NUFIP2: variants seen among roughly 807,000 people sequenced by gnomAD.
NUFIP2 encodes the protein nuclear FMR1 interacting protein 2.
In NUFIP2, 6 loss-of-function variants were observed where a neutral mutation model predicts 56.9. The observed-to-expected ratio is 0.11, with a 90% CI of 0.06 to 0.21. The LOEUF (loss-of-function observed/expected upper bound fraction) is 0.21, where lower values mean the gene tolerates loss of function less well. Ranked by LOEUF, NUFIP2 falls within the 10% of genes least tolerant of loss-of-function variation. The pLI, the probability that NUFIP2 is intolerant of heterozygous loss-of-function variation, is 1.00. For missense variants in NUFIP2, 828 were observed against 826.8 expected, an observed-to-expected ratio of 1.00 and a Z score of -0.02; for synonymous variants, 321 against 298.2, an observed-to-expected ratio of 1.08 and a Z score of -0.79.
chr17:29,283,631 CCT>C (rs148626292), intron 2 of NUFIP2, among the ~76,000 whole-genome samples: 1,798 of 152,252 alleles, frequency 0.012, 35 homozygotes, highest in African/African-American at 0.041. Context: ...AACCAGATAC[CCT>C]CTCAGGCTCA....
At chr17:29,272,235 G>A (rs1049164527) in intron 2 of NUFIP2, among the ~76,000 whole-genome samples, 53 of 150,380 alleles carry the variant, frequency 3.5e-4, no homozygotes, top group Admixed American at 2.1e-3. Flanking sequence ...AATATGAAAT[G>A]TGTTCTTTTT....
At chr17:29,276,538 A>G (rs2069109624) in intron 2 of NUFIP2, among the ~76,000 whole-genome samples, 1 of 152,088 alleles carries the variant, frequency 6.6e-6, no homozygotes, top group Admixed American at 6.5e-5. Flanking sequence ...GAGTTTCACC[A>G]TGTTGGCCAG....
chr17:29,286,348 G>A lies in NUFIP2; in HGVS notation c.1646C>T (p.Ala549Val). ...EYPATLVSQGAEIIPSGTEHP... is the reference protein window; with the variant it reads ...EYPATLVSQGVEIIPSGTEHP... Reference sequence around the variant, plus strand: ...CTCAGTTCCTGAGGGAATTATTTCAGCACCCTGTGAAACCAAAGTAGCAGG... The same window carrying A: ...CTCAGTTCCTGAGGGAATTATTTCAACACCCTGTGAAACCAAAGTAGCAGG... The change falls in exon 2 of 4, where the codon GCT becomes GTT. Residue 549 changes from alanine to valine, a missense_variant. This residue lies in a region of NUFIP2 where 404 missense variants were observed against 380.3 expected (regional missense o/e 1.06). Transcript: ENST00000225388. The A allele has an allele frequency of 6.2e-7, 1 of 1,614,156 alleles. No individual in the cohort carries two copies. Among genetic ancestry groups the A allele is most frequent in the Non-Finnish European group, 8.5e-7 (1 of 1,180,004 alleles).
intron 2 of NUFIP2, among the ~76,000 whole-genome samples, chr17:29,272,240 C>CTTTT (rs750900881): frequency 1.5e-5 from 2 of 133,144 alleles, no homozygotes; most frequent in African/African-American, 5.4e-5. Context: ...GAAATGTGTT[C>CTTTT]TTTTTTTTTT....
Position 29,261,592 on chromosome 17 carries a change from T to C in NUFIP2, c.*2947A>G, listed in dbSNP as rs1400547970. On this transcript the variant is annotated 3_prime_UTR_variant, in exon 4 of 4. Transcript: ENST00000225388. ...CTAAATTAATCACAGCTGAAGTTTG[T>C]TTAGAAGCTTACACAAAATAATCAG... is the stretch of plus-strand genomic sequence containing the variant. 6.6e-6 allele frequency: 1 copy of C among 152,532 alleles called. No homozygotes were observed. The allele number at this position is 152,532 out of a possible 1,614,324, so 9.4% of individuals were successfully genotyped here.
chr17:29,280,092 AC>A (rs1378007141), intron 2 of NUFIP2, among the ~76,000 whole-genome samples: 1 of 152,204 alleles, frequency 6.6e-6, no homozygotes, highest in African/African-American at 2.4e-5. Flanking sequence ...TGCTGGGATT[AC>A]AAGTGTGAGC....
At chr17:29,291,775 C>T (rs372951250) in intron 1 of NUFIP2, among the ~76,000 whole-genome samples, 2 of 152,190 alleles carry the variant, frequency 1.3e-5, no homozygotes, top group Non-Finnish European at 2.9e-5. Flanking sequence ...GTTATATAGT[C>T]CCTAACAGTT....
chr17:29,293,240 CCCA>C (rs975096262), intron 1 of NUFIP2, among the ~76,000 whole-genome samples: 4 of 150,882 alleles, frequency 2.7e-5, no homozygotes, highest in African/African-American at 9.7e-5. Context: ...AACAGCCCCC[CCCA>C]CCGAGACGGG....
intron 2 of NUFIP2, among the ~76,000 whole-genome samples, chr17:29,268,580 C>T (rs998358320): frequency 3.9e-5 from 6 of 152,054 alleles, no homozygotes; most frequent in South Asian, 2.1e-4. Context: ...CGCAATGGCA[C>T]GATCTCGGCT....
intron 2 of NUFIP2, among the ~76,000 whole-genome samples, chr17:29,278,286 C>T (rs1184075763): frequency 2.0e-5 from 3 of 151,560 alleles, no homozygotes; most frequent in Non-Finnish European, 4.4e-5. Context: ...TCGCTCTGTC[C>T]CCCAGGCTAG....
intron 2 of NUFIP2, among the ~76,000 whole-genome samples, chr17:29,273,755 T>C (rs1400480533): frequency 1.3e-5 from 2 of 152,206 alleles, no homozygotes; most frequent in Admixed American, 6.5e-5. Context: ...AAATTCTGTA[T>C]TTTAAACCAC....
In NUFIP2 at chr17:29,287,628, C is replaced by T; in HGVS notation, c.366G>A (p.Arg122=). 6.2e-7 allele frequency: 1 copy of T among 1,613,916 alleles called. No homozygotes were observed. The highest frequency in any genetic ancestry group is 1.3e-5 in the African/African-American group (1 of 74,952). Residue 122 remains arginine, a synonymous_variant, in exon 2 of 4, where the codon AGG becomes AGA. Coordinates refer to ENST00000225388, the MANE Select transcript of NUFIP2 (RefSeq NM_020772.3). The part of the protein sequence containing the change: ...SSDEATNPIS[R]VLNGNQQVVD... ...CAACTTGCTGGTTGCCATTGAGGAC[C>T]CTGGAAATAGGGTTGGTGGCTTCAT...
chr17:29,290,299 C>T (rs1414989870), intron 1 of NUFIP2, among the ~76,000 whole-genome samples: 2 of 151,990 alleles, frequency 1.3e-5, no homozygotes. Flanking sequence ...TTTGGTGGCA[C>T]AATTTTAACT....
chr17:29,288,607 C>A (rs914294572), intron 1 of NUFIP2, among the ~76,000 whole-genome samples: 2 of 152,262 alleles, frequency 1.3e-5, no homozygotes, highest in Middle Eastern at 3.4e-3. Context: ...ATCTACGTAC[C>A]AATGTTTCCA....
rs1356403895 is a variant in NUFIP2 at position 29,258,560 on chromosome 17, G to GGAATAATAGAAACAAAGCTAAGATTT, written c.*5953_*5978dup. On this transcript the variant is annotated 3_prime_UTR_variant, in exon 4 of 4. Coordinates refer to ENST00000225388, the MANE Select transcript of NUFIP2 (RefSeq NM_020772.3). ...ATTCCTCTTTCTGAGGCAGAGAGAG[G>GGAATAATAGAAACAAAGCTAAGATTT]GAATAATAGAAACAAAGCTAAGATT... The GGAATAATAGAAACAAAGCTAAGATTT allele has an allele frequency of 6.6e-6, 1 of 152,072 alleles. No individual in the cohort carries two copies. The highest frequency in any genetic ancestry group is 1.5e-5 in the Non-Finnish European group (1 of 67,984). The allele number at this position is 152,072 out of a possible 1,614,324, so 9.4% of individuals were successfully genotyped here.
Position 29,265,305 on chromosome 17 carries a change from A to AT in NUFIP2, c.2036-715dup, listed in dbSNP as rs66549012. Among the ~76,000 whole-genome samples the AT allele has an allele frequency of 1.4e-3, 191 of 135,650 alleles. 1 individual carries two copies. The East Asian group carries it at 0.018, about 13-fold the overall frequency. 89.0% of individuals were successfully genotyped at this position (135,650 alleles called of 152,430 possible). A position where few individuals can be genotyped will look rare whatever the true frequency, so the allele number is the denominator to read the frequency against. The stretch of plus-strand genomic sequence containing the variant: ...TATTTTTATTTTTTTATTTTATTTT[A>AT]TTTTTTTTTTTTTTTGAGACGGAGT... On this transcript the variant is annotated intron_variant, in intron 3 of 3. Transcript: ENST00000225388.
intron 2 of NUFIP2, among the ~76,000 whole-genome samples, chr17:29,271,798 C>T (rs761675521): frequency 6.6e-6 from 1 of 151,654 alleles, no homozygotes; most frequent in African/African-American, 2.4e-5. Flanking sequence ...TGGCCGGGCG[C>T]GGTGGCTCTC....
chr17:29,286,075 T>C lies in NUFIP2; in HGVS notation c.1919A>G (p.Glu640Gly). Residue 640 changes from glutamate (E) to glycine (G), a missense_variant, in exon 2 of 4, where the codon GAA becomes GGA. Around this residue, in one of 3 missense-constraint regions of NUFIP2, gnomAD observed 404 missense variants for 380.3 expected, o/e 1.06. Coordinates refer to ENST00000225388, the MANE Select transcript of NUFIP2 (RefSeq NM_020772.3). Reference protein sequence around the residue: ...PTNTLLGSAKEQRYQRGLERN... With the variant: ...PTNTLLGSAKGQRYQRGLERN... Reference sequence around the variant, plus strand: ...TTCTAGGCCTCTCTGGTATCTCTGTTCTTTGGCAGAGCCTAACAAAGTGTT... The same window carrying C: ...TTCTAGGCCTCTCTGGTATCTCTGTCCTTTGGCAGAGCCTAACAAAGTGTT... 6.2e-7 allele frequency: 1 copy of C among 1,613,952 alleles called. No individual in the cohort carries two copies.
chr17:29,265,872 G>A (rs1048965282), intron 3 of NUFIP2, among the ~76,000 whole-genome samples: 6 of 151,850 alleles, frequency 4.0e-5, no homozygotes, highest in Non-Finnish European at 7.4e-5. Flanking sequence ...GGACTCCTAG[G>A]GCCACCCATT....
Sources: allele counts gnomAD v4.1 joint callset (sites outside exome capture counted in the v4.1 genomes callset), GRCh38; gene constraint gnomAD v4.1.1; regional missense constraint gnomAD v4.1.1; transcripts MANE v1.5; gene names NCBI Gene and HGNC (gene_info 2026-07-23, HGNC 2026-07-21).